The following CNTN5 variants were observed in gnomAD, a reference collection of about 807,000 sequenced individuals.
CNTN5 encodes the protein contactin 5.
CNTN5 carries 77 observed loss-of-function variants against 129.1 expected under a neutral mutation model. The observed-to-expected ratio is 0.60, with a 90% CI of 0.50 to 0.72. CNTN5 has a LOEUF of 0.72. Among genes scored for constraint, CNTN5 ranks in the 30% least tolerant of loss-of-function variants. The pLI, the probability that CNTN5 is intolerant of heterozygous loss-of-function variation, is 0.00. For synonymous variants in CNTN5, 509 were observed against 465.6 expected (o/e 1.09, Z -1.20); for missense variants, 1,478 against 1,328.8 (o/e 1.11, Z -1.75).
intron 2 of CNTN5, among the ~76,000 whole-genome samples, chr11:99,350,961 T>A (rs1938255989): frequency 6.6e-6 from 1 of 151,836 alleles, no homozygotes; most frequent in African/African-American, 2.4e-5. Context: ...CAGAAAGAAT[T>A]CCATTTTATG....
intron 1 of CNTN5, among the ~76,000 whole-genome samples, chr11:99,241,319 T>G (rs947798618): frequency 1.8e-4 from 1 of 5,480 alleles, no homozygotes; most frequent in Non-Finnish European, 9.1e-4. Context: ...TGATTGTTGG[T>G]TTTTTTTTTT....
intron 2 of CNTN5, among the ~76,000 whole-genome samples, chr11:99,516,790 T>C (rs1296908313): frequency 6.6e-6 from 1 of 152,182 alleles, no homozygotes; most frequent in Non-Finnish European, 1.5e-5. Context: ...AAAATGTTAG[T>C]ATTAAAAATG....
At chr11:99,458,167 A>T (rs1167014578) in intron 2 of CNTN5, among the ~76,000 whole-genome samples, 2 of 152,018 alleles carry the variant, frequency 1.3e-5, no homozygotes, top group Non-Finnish European at 2.9e-5. Context: ...CCATGGATCA[A>T]TATTAACTAT....
chr11:99,749,197 C>A (rs1437481516), intron 3 of CNTN5, among the ~76,000 whole-genome samples: 1 of 151,858 alleles, frequency 6.6e-6, no homozygotes, highest in Non-Finnish European at 1.5e-5. Context: ...ATTCCAAAAT[C>A]TAAAATAAAA....
intron 3 of CNTN5, among the ~76,000 whole-genome samples, chr11:99,761,420 A>T (rs1157468869): frequency 2.0e-5 from 3 of 151,602 alleles, no homozygotes; most frequent in Non-Finnish European, 4.4e-5. Flanking sequence ...TCCCCCTCCC[A>T]CCACCCCACA....
chr11:99,843,027 G>C (rs1451314418), intron 4 of CNTN5, among the ~76,000 whole-genome samples: 3 of 152,072 alleles, frequency 2.0e-5, no homozygotes, highest in Non-Finnish European at 2.9e-5. Flanking sequence ...GGTTAGGAGT[G>C]TGAGACCAGC....
intron 2 of CNTN5, among the ~76,000 whole-genome samples, chr11:99,398,179 C>T (rs1171087504): frequency 6.6e-6 from 1 of 151,838 alleles, no homozygotes; most frequent in African/African-American, 2.4e-5. Flanking sequence ...TTTGGACAAA[C>T]TTTAACAATT....
chr11:99,706,182 G>T (rs1230472790), intron 3 of CNTN5, among the ~76,000 whole-genome samples: 1 of 151,390 alleles, frequency 6.6e-6, no homozygotes, highest in African/African-American at 2.4e-5. Flanking sequence ...CAAATCTGAT[G>T]AGAGCAGTTG....
intron 3 of CNTN5, among the ~76,000 whole-genome samples, chr11:99,669,441 G>A (rs1425160002): frequency 5.7e-5 from 6 of 105,926 alleles, no homozygotes; most frequent in Non-Finnish European, 2.1e-5. Context: ...TATTAAATAT[G>A]GTGTGTGTGT....
At chr11:99,861,705 A>C (rs919242415) in intron 6 of CNTN5, among the ~76,000 whole-genome samples, 1 of 152,188 alleles carries the variant, frequency 6.6e-6, no homozygotes, top group African/African-American at 2.4e-5. Context: ...TCAGTAATGA[A>C]GTCGCAGTAA....
chr11:99,511,200 A>G (rs986947464), intron 2 of CNTN5, among the ~76,000 whole-genome samples: 5 of 151,958 alleles, frequency 3.3e-5, no homozygotes, highest in African/African-American at 1.2e-4. Context: ...ATTTCCCTCT[A>G]CACACTGCTT....
At chr11:100,267,049 G>A (rs1424384757) in intron 17 of CNTN5, among the ~76,000 whole-genome samples, 1 of 152,042 alleles carries the variant, frequency 6.6e-6, no homozygotes, top group Non-Finnish European at 1.5e-5. Context: ...CTTAGAAGTT[G>A]ATGAGTACTA....
chr11:99,923,109 G>A (rs1949977258), intron 7 of CNTN5, among the ~76,000 whole-genome samples: 1 of 152,144 alleles, frequency 6.6e-6, no homozygotes, highest in African/African-American at 2.4e-5. Context: ...TCAAATAGAT[G>A]TGCAATGCCC....
intron 3 of CNTN5, among the ~76,000 whole-genome samples, chr11:99,742,262 A>G (rs1943910424): frequency 6.6e-6 from 1 of 152,168 alleles, no homozygotes; most frequent in Non-Finnish European, 1.5e-5. Context: ...TCTCTCCTGC[A>G]AAAAGTCAGA....
chr11:99,490,923 G>A (rs1204673789), intron 2 of CNTN5, among the ~76,000 whole-genome samples: 1 of 146,354 alleles, frequency 6.8e-6, no homozygotes, highest in African/African-American at 2.6e-5. Context: ...GCCCTTGTGT[G>A]GGGTTACTCA....
At chr11:100,344,150 T>A (rs1463317468) in intron 23 of CNTN5, among the ~76,000 whole-genome samples, 1 of 152,078 alleles carries the variant, frequency 6.6e-6, no homozygotes, top group Non-Finnish European at 1.5e-5. Context: ...TCACTGGAAA[T>A]GCATATTGTG....
intron 1 of CNTN5, among the ~76,000 whole-genome samples, chr11:99,125,442 A>G (rs1467399212): frequency 6.6e-6 from 1 of 152,112 alleles, no homozygotes; most frequent in African/African-American, 2.4e-5. Context: ...TAGGCAATAA[A>G]GAAACTTACT....
intron 3 of CNTN5, among the ~76,000 whole-genome samples, chr11:99,632,995 A>G (rs1951419875): frequency 6.6e-6 from 1 of 152,108 alleles, no homozygotes; most frequent in South Asian, 2.1e-4. Flanking sequence ...TTTGCATGCT[A>G]AAAAGATACA....
At chr11:99,788,575 A>G (rs1158217700) in intron 3 of CNTN5, among the ~76,000 whole-genome samples, 7 of 151,950 alleles carry the variant, frequency 4.6e-5, no homozygotes, top group African/African-American at 1.4e-4. Flanking sequence ...TACTGACCCC[A>G]TACAAGTCAC....
Sources: gnomAD v4.1 joint callset for allele counts (sites outside exome capture counted in the v4.1 genomes callset) on GRCh38, gnomAD v4.1.1 for gene constraint, MANE v1.5 for transcripts, NCBI Gene and HGNC (gene_info 2026-07-23, HGNC 2026-07-21) for gene names.